TRDN: variants seen among roughly 807,000 people sequenced by gnomAD.
TRDN encodes triadin.
TRDN carries 161 observed loss-of-function variants against 149.7 expected under a neutral mutation model. The ratio of observed to expected loss-of-function variants is 1.08; its 90% CI spans 0.95 to 1.23. TRDN has a LOEUF of 1.23. Among genes scored for constraint, TRDN ranks in the 50% most tolerant of loss-of-function variants. The pLI is 0.00. For missense variants in TRDN, 896 were observed against 823.5 expected (o/e 1.09, Z -1.08); for synonymous variants, 294 against 250.5 (o/e 1.17, Z -1.64).
chr6:123,400,163 A>G (rs1367064512), intron 12 of TRDN, among the ~76,000 whole-genome samples: 2 of 105,710 alleles, frequency 1.9e-5, no homozygotes, highest in African/African-American at 3.8e-5. Context: ...AAGAATATGT[A>G]TGTGTATATA....
intron 9 of TRDN, chr6:123,488,715 T>G (rs1778079252): frequency 1.3e-5 from 2 of 151,848 alleles, no homozygotes; most frequent in Non-Finnish European, 2.9e-5. Flanking sequence ...TCTTGTTTTT[T>G]TTTTTTTTTT....
intron 26 of TRDN, among the ~76,000 whole-genome samples, chr6:123,277,076 AG>A (rs1186999140): frequency 6.6e-6 from 1 of 152,160 alleles, no homozygotes; most frequent in African/African-American, 2.4e-5. Context: ...TCCCTTTAAA[AG>A]GGGAATGTCC....
chr6:123,402,224 A>T (rs1375977660), intron 12 of TRDN, among the ~76,000 whole-genome samples: 1 of 152,200 alleles, frequency 6.6e-6, no homozygotes. Context: ...ACTTAAGAGT[A>T]TGTTTTTTGT....
At chr6:123,382,078 C>T in intron 15 of TRDN, 40 bp downstream of exon 15, 1 of 1,428,108 alleles carries the variant, frequency 7.0e-7, no homozygotes, top group Non-Finnish European at 9.2e-7. Flanking sequence ...TTTCATGGTT[C>T]ATCAAACATA....
At chr6:123,350,934 C>T in intron 21 of TRDN, 1 of 984,842 alleles carries the variant, frequency 1.0e-6, no homozygotes. Flanking sequence ...GTCTCTTGTC[C>T]ACTAGAGGAG....
chr6:123,262,836 C>A (rs753578830), intron 33 of TRDN, among the ~76,000 whole-genome samples: 5 of 152,058 alleles, frequency 3.3e-5, no homozygotes, highest in Non-Finnish European at 7.4e-5. Context: ...ACACACCACA[C>A]CCATATAAGG....
chr6:123,352,461 G>A (rs1275331312), intron 21 of TRDN, 78 bp downstream of exon 21: 1 of 1,583,430 alleles, frequency 6.3e-7, no homozygotes, highest in Non-Finnish European at 8.6e-7. Context: ...TCTTCCGCCT[G>A]TCTGAATCCA....
chr6:123,383,839 C>T (rs140948934), intron 14 of TRDN, among the ~76,000 whole-genome samples: 36 of 152,022 alleles, frequency 2.4e-4, no homozygotes, highest in South Asian at 6.2e-4. Flanking sequence ...TTCTGTAACA[C>T]GAATATGTTT....
chr6:123,489,644 T>A (rs973571007), intron 9 of TRDN: 4 of 152,186 alleles, frequency 2.6e-5, no homozygotes, highest in Non-Finnish European at 4.4e-5. Flanking sequence ...CTTTTTTTTC[T>A]TATATTAAGC....
Position 123,218,595 on chromosome 6 carries a change from G to A in TRDN, c.*6C>T, listed in dbSNP as rs1775026082. The A allele has an allele frequency of 6.2e-7, 1 of 1,610,482 alleles. No individual in the cohort carries two copies. The highest frequency in any genetic ancestry group is 1.7e-5 in the Admixed American group (1 of 59,634). Reference sequence around the variant, plus strand: ...TAAAGCACTTGTAAGGGTCATACATGTGTGTTTACTGTCCTTGTTGCTTCT... The same window carrying A: ...TAAAGCACTTGTAAGGGTCATACATATGTGTTTACTGTCCTTGTTGCTTCT... On this transcript the variant is annotated 3_prime_UTR_variant, in exon 41 of 41. Coordinates refer to ENST00000334268, the MANE Select transcript of TRDN (RefSeq NM_006073.4).
chr6:123,588,521 A>G (rs1314149070), intron 1 of TRDN, among the ~76,000 whole-genome samples: 1 of 152,188 alleles, frequency 6.6e-6, no homozygotes, highest in East Asian at 1.9e-4. Context: ...TTGGGGATTT[A>G]GAGTTTTATT....
At chr6:123,400,226 A>G (rs902145370) in intron 12 of TRDN, among the ~76,000 whole-genome samples, 2 of 144,724 alleles carry the variant, frequency 1.4e-5, no homozygotes, top group Non-Finnish European at 3.0e-5. Context: ...TATAAAGGAA[A>G]CAAAATTTCT....
rs1269546447 is a variant in TRDN at position 123,267,842 on chromosome 6, C to T, written c.1739-91G>A. The T allele has an allele frequency of 7.3e-6, 7 of 954,692 alleles. No homozygotes were observed. The Middle Eastern group carries it at 1.3e-3, about 181-fold the overall frequency. 59.1% of individuals were successfully genotyped at this position (954,692 alleles called of 1,614,324 possible). ...TATTTGCAAGTGATCCTCAGTTTAC[C>T]CAAGAGGCATGCCCCAAAGTCATTT... On this transcript the variant is annotated intron_variant, in intron 31 of 40. Coordinates refer to ENST00000334268, the MANE Select transcript of TRDN (RefSeq NM_006073.4).
At chr6:123,550,799 G>T (rs1781345163) in intron 2 of TRDN, among the ~76,000 whole-genome samples, 8 of 151,952 alleles carry the variant, frequency 5.3e-5, no homozygotes, top group Admixed American at 4.6e-4. Flanking sequence ...TTTCTGGGAA[G>T]CCTGTCTCCA....
intron 13 of TRDN, among the ~76,000 whole-genome samples, chr6:123,391,858 A>G (rs1772487788): frequency 6.6e-6 from 1 of 152,068 alleles, no homozygotes; most frequent in Non-Finnish European, 1.5e-5. Flanking sequence ...GATTATTGCC[A>G]ATTTTAAGTT....
Position 123,216,782 on chromosome 6 carries a change from TA to T in TRDN, c.*1818del, listed in dbSNP as rs2114489781. 1 of 152,070 alleles carries T rather than the reference TA, an allele frequency of 6.6e-6. No individual in the cohort carries two copies. Among genetic ancestry groups the T allele is most frequent in the South Asian group, 2.1e-4 (1 of 4,822 alleles). The allele number at this position is 152,070 out of a possible 1,614,324, so 9.4% of individuals were successfully genotyped here. A position where few individuals can be genotyped will look rare whatever the true frequency, so the allele number is the denominator to read the frequency against. On this transcript the variant is annotated 3_prime_UTR_variant, in exon 41 of 41. Coordinates refer to ENST00000334268, the MANE Select transcript of TRDN (RefSeq NM_006073.4). ...CTATGTCAGAATAGCGCTGGGAATC[TA>T]ATTTATTATATTTTTCTTGTACAAT...
At chr6:123,240,903 A>G (rs564417843) in intron 38 of TRDN, among the ~76,000 whole-genome samples, 1 of 152,008 alleles carries the variant, frequency 6.6e-6, no homozygotes, top group East Asian at 1.9e-4. Context: ...TTTGAGGTGA[A>G]TTTACTCTGA....
chr6:123,394,375 A>G (rs1242730270), intron 12 of TRDN, among the ~76,000 whole-genome samples: 1 of 152,124 alleles, frequency 6.6e-6, no homozygotes, highest in Admixed American at 6.6e-5. Context: ...GGTAAATAAA[A>G]ATTTCAAAAA....
Position 123,522,100 on chromosome 6 carries a change from A to C in TRDN, c.485-5894T>G, listed in dbSNP as rs80325318. 4.5e-3 allele frequency among the ~76,000 whole-genome samples: 689 copies of C among 152,184 alleles called. 3 individuals carry two copies. Among genetic ancestry groups the C allele is most frequent in the African/African-American group, 0.016 (646 of 41,540 alleles). ...TGTCTAGCCCACTCTGAAGCTGACC[A>C]TATGCTGTCTCTCCAGTATACATTT... is the stretch of plus-strand genomic sequence containing the variant. On this transcript the variant is annotated intron_variant, in intron 5 of 40. Coordinates refer to ENST00000334268, the MANE Select transcript of TRDN (RefSeq NM_006073.4).
Sources: allele counts gnomAD v4.1 joint callset (sites outside exome capture counted in the v4.1 genomes callset), GRCh38; gene constraint gnomAD v4.1.1; transcripts MANE v1.5; gene names NCBI Gene and HGNC (gene_info 2026-07-23, HGNC 2026-07-21).